The following F13A1 variants were observed in gnomAD, a reference collection of about 807,000 sequenced individuals.
F13A1 encodes the protein FSF, A subunit.
Under a neutral mutation model 80.1 loss-of-function variants are expected in F13A1, and 47 were observed. That is an observed-to-expected ratio of 0.59 (90% CI 0.46 to 0.75). The LOEUF (loss-of-function observed/expected upper bound fraction) is 0.75. Among genes scored for constraint, F13A1 ranks in the 30% least tolerant of loss-of-function variants. The pLI is 0.00. For missense variants in F13A1, 817 were observed against 930.4 expected (o/e 0.88, Z 1.59); for synonymous variants, 349 against 344.9 (o/e 1.01, Z -0.13).
chr6:6,293,989 G>C (rs1758275739), intron 3 of F13A1, among the ~76,000 whole-genome samples: 1 of 152,076 alleles, frequency 6.6e-6, no homozygotes, highest in African/African-American at 2.4e-5. Flanking sequence ...AATGCAAATT[G>C]GAAGCAACTA....
chr6:6,271,872 C>T (rs1000491553), intron 3 of F13A1, among the ~76,000 whole-genome samples: 4 of 152,250 alleles, frequency 2.6e-5, no homozygotes, highest in Admixed American at 6.5e-5. Flanking sequence ...GAGGGCCTCA[C>T]TCTCCTTACA....
chr6:6,174,067 C>G (rs900891890), intron 12 of F13A1, among the ~76,000 whole-genome samples: 1 of 152,160 alleles, frequency 6.6e-6, no homozygotes, highest in Non-Finnish European at 1.5e-5. Context: ...TCAATGTTCA[C>G]TTCTGTGCAT....
chr6:6,230,632 A>G (rs1757338011), intron 6 of F13A1, among the ~76,000 whole-genome samples: 1 of 152,192 alleles, frequency 6.6e-6, no homozygotes, highest in Admixed American at 6.5e-5. Flanking sequence ...GCAGGGAGCC[A>G]ACCAGCACAA....
chr6:6,289,119 A>G (rs553575080), intron 3 of F13A1, among the ~76,000 whole-genome samples: 2 of 152,350 alleles, frequency 1.3e-5, no homozygotes, highest in African/African-American at 4.8e-5. Context: ...CCTTTAACCC[A>G]TAAATGGCTG....
rs1222604370 is a variant in F13A1, at chr6:6,144,818, C to A, written c.*801G>T. On this transcript the variant is annotated 3_prime_UTR_variant, in exon 15 of 15. Coordinates refer to ENST00000264870, the MANE Select transcript of F13A1 (RefSeq NM_000129.4). ...TAATCACTAACTAAAGAGATAAATT[C>A]TTCACTTTACTTCCTAGTATTGCAT... The A allele has an allele frequency of 1.3e-5, 2 of 152,624 alleles. No homozygotes were observed. The highest frequency in any genetic ancestry group is 2.9e-5 in the Non-Finnish European group (2 of 68,048). The allele number at this position is 152,624 out of a possible 1,614,324, so 9.5% of individuals were successfully genotyped here.
chr6:6,279,995 A>C (rs1042240706), intron 3 of F13A1, among the ~76,000 whole-genome samples: 8 of 152,256 alleles, frequency 5.3e-5, no homozygotes, highest in Admixed American at 5.2e-4. Context: ...AGTATATATG[A>C]ATGCAATATA....
chr6:6,294,711 TTCTTTTTTTTTTAG>T (rs57454704), intron 3 of F13A1, among the ~76,000 whole-genome samples: 12,508 of 149,358 alleles, frequency 0.084, 674 homozygotes, highest in Middle Eastern at 0.14. Context: ...CTGGTAGAGA[TTCTTTTTTTTTTAG>T]TCTTTTTTTA....
chr6:6,231,994 A>G (rs1227799897), intron 6 of F13A1, among the ~76,000 whole-genome samples: 1 of 152,226 alleles, frequency 6.6e-6, no homozygotes, highest in Non-Finnish European at 1.5e-5. Context: ...TAAATCACAC[A>G]GGACCTATGA....
intron 13 of F13A1, among the ~76,000 whole-genome samples, chr6:6,166,686 A>G (rs1278022568): frequency 6.6e-6 from 1 of 152,216 alleles, no homozygotes; most frequent in Non-Finnish European, 1.5e-5. Flanking sequence ...TGTGGGCCTG[A>G]GAAGTAGGAG....
chr6:6,227,720 C>CTGAT (rs2113068222), intron 6 of F13A1, among the ~76,000 whole-genome samples: 1 of 152,180 alleles, frequency 6.6e-6, no homozygotes, highest in South Asian at 2.1e-4. Flanking sequence ...GTCCTGATAA[C>CTGAT]TGATTTTCAA....
At chr6:6,151,736 G>T in intron 14 of F13A1, 77 bp downstream of exon 14, 1 of 1,589,906 alleles carries the variant, frequency 6.3e-7, no homozygotes, top group Non-Finnish European at 8.6e-7. Flanking sequence ...GCAGATCTAT[G>T]TTTGGAAAAG....
chr6:6,146,644 C>A (rs867000909), intron 14 of F13A1, among the ~76,000 whole-genome samples: 15 of 152,158 alleles, frequency 9.9e-5, no homozygotes, highest in Admixed American at 4.6e-4. Flanking sequence ...GAGGCAGATA[C>A]TATTCAGCAG....
chr6:6,277,566 T>A (rs1199654289), intron 3 of F13A1, among the ~76,000 whole-genome samples: 1 of 152,212 alleles, frequency 6.6e-6, no homozygotes, highest in Non-Finnish European at 1.5e-5. Flanking sequence ...AGTTCATCCA[T>A]CACCAGATGC....
chr6:6,273,713 A>G (rs1270836299), intron 3 of F13A1, among the ~76,000 whole-genome samples: 1 of 152,236 alleles, frequency 6.6e-6, no homozygotes, highest in Non-Finnish European at 1.5e-5. Context: ...GGGCCCTTGA[A>G]GTATGAAGGT....
intron 3 of F13A1, among the ~76,000 whole-genome samples, chr6:6,304,757 G>C (rs1758486368): frequency 6.6e-6 from 1 of 151,658 alleles, no homozygotes; most frequent in Non-Finnish European, 1.5e-5. Context: ...CAGCTACTCT[G>C]GAGGCTGAGG....
At chr6:6,174,961 G>A in intron 11 of F13A1, 94 bp from the exon 12 acceptor site, 2 of 1,470,478 alleles carry the variant, frequency 1.4e-6, no homozygotes, top group Admixed American at 1.8e-5. Context: ...ACTTGTTGGG[G>A]TGTTTCTATA....
rs770721534 is a variant in F13A1, at chr6:6,275,472, C to T, written c.320-8663G>A. On this transcript the variant is annotated intron_variant, in intron 3 of 14. Coordinates refer to ENST00000264870, the MANE Select transcript of F13A1 (RefSeq NM_000129.4). Reference sequence around the variant, plus strand: ...GTAACCTCCACCTTCCAGGTTCAAGCGATTCTCCTGCCTCAGCCTCCCAAG... The same window carrying T: ...GTAACCTCCACCTTCCAGGTTCAAGTGATTCTCCTGCCTCAGCCTCCCAAG... Among the ~76,000 whole-genome samples, 6 of 152,152 alleles carry T rather than the reference C, an allele frequency of 3.9e-5. No homozygotes were observed. The South Asian group carries it at 1.0e-3, about 26-fold the overall frequency.
At chr6:6,297,630 TTCTC>T (rs1287637706) in intron 3 of F13A1, among the ~76,000 whole-genome samples, 8 of 148,728 alleles carry the variant, frequency 5.4e-5, no homozygotes, top group African/African-American at 1.8e-4. Context: ...TATTTGATTC[TTCTC>T]TCTTTTTTTC....
At chr6:6,318,059 C>T (rs898349446) in intron 2 of F13A1, among the ~76,000 whole-genome samples, 1 of 152,154 alleles carries the variant, frequency 6.6e-6, no homozygotes, top group Non-Finnish European at 1.5e-5. Context: ...CTATTACTGT[C>T]AGAGTCTGGC....
Sources: allele counts gnomAD v4.1 joint callset (sites outside exome capture counted in the v4.1 genomes callset), GRCh38; gene constraint gnomAD v4.1.1; transcripts MANE v1.5; gene names NCBI Gene and HGNC (gene_info 2026-07-23, HGNC 2026-07-21).